The following TGFBR2 variants were observed in gnomAD, a reference collection of about 807,000 sequenced individuals.
The protein encoded by TGFBR2 is transforming growth factor beta receptor 2, also known as TGF-beta receptor type-2.
A neutral mutation model predicts 49.0 loss-of-function variants in TGFBR2; 18 were observed. The ratio of observed to expected loss-of-function variants is 0.37; its 90% CI spans 0.25 to 0.54. The LOEUF is 0.54. Ranked by LOEUF, TGFBR2 falls within the 20% of genes least tolerant of loss-of-function variation. The probability of loss-of-function intolerance (pLI) is 0.85; values close to 1 mark genes in which losing one functional copy is unlikely to be tolerated. For missense variants in TGFBR2, 525 were observed against 722.6 expected (o/e 0.73, Z 3.13); for synonymous variants, 282 against 275.9 (o/e 1.02, Z -0.22).
intron 3 of TGFBR2, among the ~76,000 whole-genome samples, chr3:30,651,431 C>T (rs1698884568): frequency 1.3e-5 from 2 of 152,148 alleles, no homozygotes; most frequent in Non-Finnish European, 2.9e-5. Context: ...TCCATCCACT[C>T]ATCCATCTTT....
intron 1 of TGFBR2, among the ~76,000 whole-genome samples, chr3:30,619,921 C>G (rs1332115499): frequency 6.6e-6 from 1 of 151,188 alleles, no homozygotes; most frequent in Non-Finnish European, 1.5e-5. Context: ...GGCGTGGTGG[C>G]TTATGCCTGT....
intron 3 of TGFBR2, among the ~76,000 whole-genome samples, chr3:30,662,338 A>T (rs1032834658): frequency 6.6e-6 from 1 of 152,198 alleles, no homozygotes; most frequent in African/African-American, 2.4e-5. Flanking sequence ...CTAGAAAGAG[A>T]TTATCATACT....
chr3:30,680,435 T>C (rs1364714821), intron 5 of TGFBR2, among the ~76,000 whole-genome samples: 2 of 152,204 alleles, frequency 1.3e-5, no homozygotes, highest in Admixed American at 1.3e-4. Flanking sequence ...ATTTATTGAG[T>C]ACCTATTGTG....
chr3:30,637,408 C>G (rs1394891920), intron 1 of TGFBR2, among the ~76,000 whole-genome samples: 1 of 152,190 alleles, frequency 6.6e-6, no homozygotes, highest in Non-Finnish European at 1.5e-5. Context: ...ACAGAGGGAG[C>G]CAGAACACAG....
At position 30,692,253 on chromosome 3, in the gene TGFBR2, A is replaced by G; in HGVS notation, c.*654A>G. ...AGTACAGTGGCACTGTTTGAGGACC[A>G]GTGTTCCCGGGGTTCCTGTGTGCCC... On this transcript the variant is annotated 3_prime_UTR_variant, in exon 7 of 7. Transcript: ENST00000295754. 1 of 229,526 alleles carries G rather than the reference A, an allele frequency of 4.4e-6. No homozygotes were observed. 14.2% of individuals were successfully genotyped at this position (229,526 alleles called of 1,614,324 possible). A position where few individuals can be genotyped will look rare whatever the true frequency, so the allele number is the denominator to read the frequency against.
At chr3:30,655,853 C>T (rs1559461057) in intron 3 of TGFBR2, among the ~76,000 whole-genome samples, 2 of 152,202 alleles carry the variant, frequency 1.3e-5, no homozygotes, top group Non-Finnish European at 2.9e-5. Flanking sequence ...ACACTCTACA[C>T]CAAGACACAT....
At chr3:30,654,482 G>C (rs934438898) in intron 3 of TGFBR2, among the ~76,000 whole-genome samples, 5 of 152,152 alleles carry the variant, frequency 3.3e-5, no homozygotes, top group African/African-American at 1.2e-4. Context: ...AATGGGGCTG[G>C]GGTCTGCACT....
intron 3 of TGFBR2, among the ~76,000 whole-genome samples, chr3:30,667,979 C>T (rs1332573591): frequency 6.6e-6 from 1 of 152,048 alleles, no homozygotes; most frequent in Admixed American, 6.5e-5. Context: ...ATATTTTAGG[C>T]TTTCTGGGCC....
At chr3:30,666,380 A>G (rs566754315) in intron 3 of TGFBR2, among the ~76,000 whole-genome samples, 1 of 152,324 alleles carries the variant, frequency 6.6e-6, no homozygotes, top group South Asian at 2.1e-4. Flanking sequence ...TCCTTCACAT[A>G]AAACTTTTTA....
At chr3:30,680,394 A>T (rs1699519261) in intron 5 of TGFBR2, among the ~76,000 whole-genome samples, 1 of 152,184 alleles carries the variant, frequency 6.6e-6, no homozygotes, top group Non-Finnish European at 1.5e-5. Flanking sequence ...TTCCCTAAAG[A>T]TATATTTATT....
chr3:30,628,130 AT>A (rs1698367938), intron 1 of TGFBR2, among the ~76,000 whole-genome samples: 4 of 43,582 alleles, frequency 9.2e-5, no homozygotes, highest in South Asian at 1.3e-3. Flanking sequence ...TTTTTTTTTA[AT>A]CATCTGTGTT....
At chr3:30,613,725 T>C (rs1050392936) in intron 1 of TGFBR2, among the ~76,000 whole-genome samples, 3 of 152,222 alleles carry the variant, frequency 2.0e-5, no homozygotes, top group Non-Finnish European at 4.4e-5. Context: ...GTAGGAGTTC[T>C]AAAGTTGTAC....
At chr3:30,662,616 C>A (rs1699155263) in intron 3 of TGFBR2, among the ~76,000 whole-genome samples, 1 of 152,176 alleles carries the variant, frequency 6.6e-6, no homozygotes, top group Admixed American at 6.5e-5. Context: ...AGCTTACTGT[C>A]CTTTTGTTGT....
chr3:30,651,786 A>G (rs1016450426), intron 3 of TGFBR2, among the ~76,000 whole-genome samples: 1 of 152,248 alleles, frequency 6.6e-6, no homozygotes, highest in Admixed American at 6.5e-5. Flanking sequence ...TCTCCTCCTG[A>G]AAAGGATGTA....
intron 5 of TGFBR2, 47 bp downstream of exon 5, chr3:30,674,293 A>G: frequency 6.2e-7 from 1 of 1,611,040 alleles, no homozygotes; most frequent in Non-Finnish European, 8.5e-7. Flanking sequence ...TTGTCTTCAA[A>G]ATAAGATCAT....
At position 30,688,615 on chromosome 3, in the gene TGFBR2, T is replaced by C. The variant is rs971564479; in HGVS notation, c.1524+104T>C. The C allele has an allele frequency of 4.7e-6, 7 of 1,491,250 alleles. No homozygotes were observed. The African/African-American group carries it at 8.3e-5, about 18-fold the overall frequency. The allele number at this position is 1,491,250 out of a possible 1,614,324, so 92.4% of individuals were successfully genotyped here. ...AGCTTAAATCTGAGGGAAGGTCCCA[T>C]TGTGTTCTATGGCCCTGTTAAATTT... On this transcript the variant is annotated intron_variant, in intron 6 of 6. Coordinates refer to ENST00000295754, the MANE Select transcript of TGFBR2 (RefSeq NM_003242.6).
intron 1 of TGFBR2, among the ~76,000 whole-genome samples, chr3:30,614,202 T>A (rs56112439): frequency 2.0e-5 from 3 of 150,562 alleles, no homozygotes; most frequent in Non-Finnish European, 4.4e-5. Flanking sequence ...CAAGGTGAAG[T>A]TTATCTGAAT....
At chr3:30,632,889 T>C (rs1398621335) in intron 1 of TGFBR2, among the ~76,000 whole-genome samples, 2 of 152,234 alleles carry the variant, frequency 1.3e-5, no homozygotes, top group Non-Finnish European at 2.9e-5. Flanking sequence ...CTTAAAACTC[T>C]TGGGCTTCAC....
chr3:30,666,356 A>G (rs1418492906), intron 3 of TGFBR2, among the ~76,000 whole-genome samples: 1 of 152,184 alleles, frequency 6.6e-6, no homozygotes, highest in Non-Finnish European at 1.5e-5. Context: ...GAAAAGAAAA[A>G]GATTTGGGGG....
Sources: allele counts gnomAD v4.1 joint callset (sites outside exome capture counted in the v4.1 genomes callset), GRCh38; gene constraint gnomAD v4.1.1; transcripts MANE v1.5; gene names NCBI Gene and HGNC (gene_info 2026-07-23, HGNC 2026-07-21).